MAPK14: variants seen among roughly 807,000 people sequenced by gnomAD.
MAPK14 encodes mitogen-activated protein kinase 14.
MAPK14 carries 16 observed loss-of-function variants against 49.6 expected under a neutral mutation model. The observed-to-expected ratio is 0.32, with a 90% confidence interval of 0.22 to 0.49. MAPK14 has a LOEUF of 0.49. MAPK14 is among the 20% of genes least tolerant of loss of function. The pLI, the probability that MAPK14 is intolerant of heterozygous loss-of-function variation, is 0.99. For synonymous variants in MAPK14, 142 were observed against 158.0 expected, an observed-to-expected ratio of 0.90 and a Z score of 0.76; for missense variants, 200 against 441.2, an observed-to-expected ratio of 0.45 and a Z score of 4.90.
downstream of MAPK14, among the ~76,000 whole-genome samples, chr6:36,111,564 C>T (rs1321121501): frequency 6.6e-6 from 1 of 152,156 alleles, no homozygotes; most frequent in Non-Finnish European, 1.5e-5. Context: ...TCTGTTTTGT[C>T]TTAGCTGGCT....
intron 1 of MAPK14, among the ~76,000 whole-genome samples, chr6:36,052,270 ACT>A (rs1371291576): frequency 6.6e-6 from 1 of 152,036 alleles, no homozygotes; most frequent in Admixed American, 6.5e-5. Context: ...ACAGAATTCA[ACT>A]CTGTTTATTA....
chr6:36,100,403 A>G (rs1581847310), intron 9 of MAPK14: 2 of 679,346 alleles, frequency 2.9e-6, no homozygotes, highest in East Asian at 2.6e-5. Flanking sequence ...TGCTATTGCA[A>G]GATGTTGACT....
chr6:36,086,104 C>T (rs1186629787), intron 8 of MAPK14, among the ~76,000 whole-genome samples: 2 of 152,126 alleles, frequency 1.3e-5, no homozygotes, highest in Non-Finnish European at 2.9e-5. Context: ...TTCTTTGAAA[C>T]CAATGAGAAC....
intron 2 of MAPK14, among the ~76,000 whole-genome samples, chr6:36,055,427 A>G (rs114454297): frequency 0.014 from 2,105 of 152,260 alleles, 60 homozygotes; most frequent in African/African-American, 0.047. Context: ...GATGTGTGCT[A>G]ATTTAATAAA....
chr6:36,042,985 G>T (rs1207186317), intron 1 of MAPK14, among the ~76,000 whole-genome samples: 1 of 151,972 alleles, frequency 6.6e-6, no homozygotes, highest in African/African-American at 2.4e-5. Flanking sequence ...TTAGCCAGGC[G>T]TCGTGGTGTG....
At position 36,030,448 on chromosome 6, in the gene MAPK14, G is replaced by T. The variant is rs373450779; in HGVS notation, c.116+2175G>T. Among the ~76,000 whole-genome samples, 153 of 152,290 alleles carry T rather than the reference G, an allele frequency of 1.0e-3. 1 individual carries two copies. Among genetic ancestry groups the T allele is most frequent in the African/African-American group, 3.5e-3 (147 of 41,562 alleles). ...CACGCCTGTAATCCCAGCACTTTGG[G>T]AGGCCGAGGCGGGTGGATCACAGCG... is the stretch of plus-strand genomic sequence containing the variant. On this transcript the variant is annotated intron_variant, in intron 1 of 11. Transcript: ENST00000229794.
chr6:36,087,892 G>A (rs535881623), intron 8 of MAPK14, among the ~76,000 whole-genome samples: 126 of 152,132 alleles, frequency 8.3e-4, no homozygotes, highest in African/African-American at 2.7e-3. Flanking sequence ...ACTATACTAC[G>A]AGGCTACAGT....
At chr6:36,080,095 C>T (rs537191187) in intron 8 of MAPK14, among the ~76,000 whole-genome samples, 22 of 152,100 alleles carry the variant, frequency 1.4e-4, no homozygotes, top group African/African-American at 5.3e-4. Context: ...AGGTGTGTAC[C>T]ACCATGTAAT....
chr6:36,102,659 C>G lies in MAPK14; in HGVS notation c.841+10C>G. ...GGTGCCAATCCCCTGGGTAAGTTGA[C>G]CATATATCCTCACCTCATGGATATT... is the stretch of plus-strand genomic sequence containing the variant. On this transcript the variant is annotated intron_variant, in intron 10 of 11. Transcript: ENST00000229794. The G allele has an allele frequency of 6.2e-7, 1 of 1,612,796 alleles. No individual in the cohort carries two copies. Among genetic ancestry groups the G allele is most frequent in the South Asian group, 1.1e-5 (1 of 91,028 alleles).
At chr6:36,064,219 C>T (rs1172436205) in intron 3 of MAPK14, among the ~76,000 whole-genome samples, 2 of 152,028 alleles carry the variant, frequency 1.3e-5, no homozygotes, top group Non-Finnish European at 2.9e-5. Context: ...CTCAAGCAAT[C>T]CCCCAACCTT....
chr6:36,043,804 C>CTTTTTTTTTTTTTTTTTTTTTTTTTT (rs796534477), intron 1 of MAPK14, among the ~76,000 whole-genome samples: 1 of 90,394 alleles, frequency 1.1e-5, no homozygotes, highest in African/African-American at 4.5e-5. Flanking sequence ...CTTTTTCTTT[C>CTTTTTTTTTTTTTTTTTTTTTTTTTT]TTTTTTTTTT....
chr6:36,047,722 C>T (rs942839722), intron 1 of MAPK14, among the ~76,000 whole-genome samples: 2 of 151,052 alleles, frequency 1.3e-5, no homozygotes, highest in Non-Finnish European at 2.9e-5. Context: ...GGCATGGTGG[C>T]CCATGCCTGA....
chr6:36,063,431 A>T (rs955393720), intron 3 of MAPK14, among the ~76,000 whole-genome samples: 10 of 152,112 alleles, frequency 6.6e-5, no homozygotes, highest in African/African-American at 2.4e-4. Context: ...CTACAAAAAA[A>T]TTTAAAAAAT....
At chr6:36,030,103 A>G (rs896326730) in intron 1 of MAPK14, among the ~76,000 whole-genome samples, 4 of 152,138 alleles carry the variant, frequency 2.6e-5, no homozygotes, top group African/African-American at 9.7e-5. Flanking sequence ...TTTCAATGCT[A>G]TTTAAATTTT....
intron 3 of MAPK14, among the ~76,000 whole-genome samples, chr6:36,061,174 T>C (rs1763807821): frequency 6.6e-6 from 1 of 152,054 alleles, no homozygotes; most frequent in Non-Finnish European, 1.5e-5. Context: ...AACATTTGAG[T>C]TAGATCTGAG....
chr6:36,034,893 CTTTCTTTTT>C (rs1211519654), intron 1 of MAPK14, among the ~76,000 whole-genome samples: 3 of 136,608 alleles, frequency 2.2e-5, no homozygotes, highest in African/African-American at 8.6e-5. Flanking sequence ...ATATTTCTTT[CTTTCTTTTT>C]TTTTTTTTTT....
intron 3 of MAPK14, among the ~76,000 whole-genome samples, chr6:36,060,689 G>T (rs945247826): frequency 6.6e-6 from 1 of 152,120 alleles, no homozygotes; most frequent in Non-Finnish European, 1.5e-5. Context: ...ACACAAAGGG[G>T]ATATGTTTGA....
chr6:36,067,814 C>T (rs1185463647), intron 3 of MAPK14, among the ~76,000 whole-genome samples: 1 of 152,024 alleles, frequency 6.6e-6, no homozygotes, highest in Non-Finnish European at 1.5e-5. Context: ...ACTAGTAGTG[C>T]TGTGTGAGTT....
intron 8 of MAPK14, among the ~76,000 whole-genome samples, chr6:36,081,264 T>C (rs1764748546): frequency 6.6e-6 from 1 of 152,178 alleles, no homozygotes; most frequent in African/African-American, 2.4e-5. Context: ...TCATGAATAA[T>C]TTACCCCTAT....
Sources: allele counts gnomAD v4.1 joint callset (sites outside exome capture counted in the v4.1 genomes callset), GRCh38; gene constraint gnomAD v4.1.1; transcripts MANE v1.5; gene names NCBI Gene and HGNC (gene_info 2026-07-23, HGNC 2026-07-21).